PZP: variants seen among roughly 807,000 people sequenced by gnomAD.
The protein encoded by PZP is pregnancy zone protein.
Under a neutral mutation model 179.8 loss-of-function variants are expected in PZP, and 150 were observed. The observed-to-expected ratio is 0.83, with a 90% confidence interval of 0.73 to 0.96. The LOEUF is 0.96. Ranked by LOEUF, PZP falls within the 40% of genes least tolerant of loss-of-function variation. PZP has a pLI of 0.00. For missense variants in PZP, 1,689 were observed against 1,764.0 expected (o/e 0.96, Z 0.76); for synonymous variants, 624 against 652.3 (o/e 0.96, Z 0.66).
Position 9,194,175 on chromosome 12 carries a change from C to T in PZP, c.1156G>A (p.Asp386Asn). 1 of 1,613,974 alleles carries T rather than the reference C, an allele frequency of 6.2e-7. No homozygotes were observed. The highest frequency in any genetic ancestry group is 1.3e-5 in the African/African-American group (1 of 75,026). The stretch of plus-strand genomic sequence containing the variant: ...GTTGCATTGGAGTAATAATTGGCGT[C>T]ATTCACAGAGATGAAGAAGAGTTTA... ...PNKLFFISVN[D>N]ANYYSNATTN... Residue 386 changes from aspartate (D) to asparagine (N), a missense_variant, in exon 11 of 36, where the codon GAC becomes AAC. Coordinates refer to ENST00000261336, the MANE Select transcript of PZP (RefSeq NM_002864.3).
rs984085862 is a variant in PZP, at chr12:9,152,840, T to G, written c.4105A>C (p.Ile1369Leu). Residue 1369 changes from isoleucine (I) to leucine (L), a missense_variant, in exon 31 of 36, where the codon ATC (isoleucine) becomes CTC (leucine). By Grantham distance (5) the Ile-to-Leu change is conservative. Transcript: ENST00000261336. ...ACGTCTTACCTGATGGTCAGTGAGA[T>G]CTGAAAGCTGGTGTGGGCTTTGTGT... is the stretch of plus-strand genomic sequence containing the variant. ...DGHKAHTSFQ[I>L]SLTISYTGNR... 1.2e-6 allele frequency: 2 copies of G among 1,614,136 alleles called. No homozygotes were observed. Among genetic ancestry groups the G allele is most frequent in the Non-Finnish European group, 1.7e-6 (2 of 1,179,982 alleles).
chr12:9,168,762 T>C, intron 17 of PZP, 107 bp downstream of exon 17: 1 of 811,370 alleles, frequency 1.2e-6, no homozygotes, highest in Non-Finnish European at 2.0e-6. Flanking sequence ...TCTTGGTTTC[T>C]TTGTGTGTAT....
chr12:9,163,114 A>G (rs1941331153), intron 21 of PZP, among the ~76,000 whole-genome samples: 1 of 152,104 alleles, frequency 6.6e-6, no homozygotes, highest in Non-Finnish European at 1.5e-5. Flanking sequence ...AGAGATAATA[A>G]GGGCAGTAAA....
In PZP at chr12:9,157,903, T is replaced by G. The variant is rs927976907; in HGVS notation, c.3295-62A>C. The stretch of plus-strand genomic sequence containing the variant: ...CAAGTGTTAGTATATTCTCTTCTGT[T>G]GTTTGATGGAAACGCTCCTCAGTAT... On this transcript the variant is annotated intron_variant, in intron 26 of 35. Coordinates refer to ENST00000261336, the MANE Select transcript of PZP (RefSeq NM_002864.3). 6.6e-6 allele frequency: 9 copies of G among 1,367,612 alleles called. No individual in the cohort carries two copies. The African/African-American group carries it at 1.1e-4, about 17-fold the overall frequency. The allele number at this position is 1,367,612 out of a possible 1,614,324, so 84.7% of individuals were successfully genotyped here. A position where few individuals can be genotyped will look rare whatever the true frequency, so the allele number is the denominator to read the frequency against.
chr12:9,150,661 T>C lies in PZP; in HGVS notation c.4367A>G (p.Tyr1456Cys), dbSNP rs143713280. 14 of 1,606,956 alleles carry C rather than the reference T, an allele frequency of 8.7e-6. No homozygotes were observed. The East Asian group carries it at 1.6e-4, about 18-fold the overall frequency. Residue 1456 changes from tyrosine (Y) to cysteine (C), a missense_variant, in exon 34 of 36, where the codon TAT (tyrosine) becomes TGT (cysteine). By Grantham distance (194) the Tyr-to-Cys change is radical (BLOSUM62 -2). Around this residue, in one of 3 missense-constraint regions of PZP, gnomAD observed 746 missense variants for 749.2 expected, o/e 1.00. Transcript: ENST00000261336. Reference protein sequence around the residue: ...GDLKPAIVKVYDYYETDESVV... With the variant: ...GDLKPAIVKVCDYYETDESVV... ...TCACTCACCTGTCTCATAGTAATCATAGACTTTAACAATTGCTGGCTTCAA... is the reference window on the plus strand; with the variant it reads ...TCACTCACCTGTCTCATAGTAATCACAGACTTTAACAATTGCTGGCTTCAA...
In PZP at chr12:9,182,128, G is replaced by GAC; in HGVS notation, c.1547-12_1547-11insGT. The GAC allele has an allele frequency of 1.2e-6, 1 of 807,138 alleles. No homozygotes were observed. Among genetic ancestry groups the GAC allele is most frequent in the Non-Finnish European group, 1.6e-6 (1 of 617,246 alleles). The allele number at this position is 807,138 out of a possible 1,614,324, so 50.0% of individuals were successfully genotyped here. A position where few individuals can be genotyped will look rare whatever the true frequency, so the allele number is the denominator to read the frequency against. On this transcript the variant is annotated splice_polypyrimidine_tract_variant and intron_variant, in intron 13 of 35. Transcript: ENST00000261336. ...CAAAACTGCCTTTCACTGGAACATG[G>GAC]AGAGAGTGAGACAAAATGGTCATAA...
chr12:9,200,514 A>T, intron 6 of PZP, 66 bp from the exon 7 acceptor site: 2 of 1,268,804 alleles, frequency 1.6e-6, no homozygotes, highest in Admixed American at 1.9e-5. Flanking sequence ...AAATAATTTC[A>T]GTATGTCTAT....
chr12:9,181,002 G>A lies in PZP; in HGVS notation c.1820C>T (p.Ala607Val), dbSNP rs765795584. 31 of 1,613,758 alleles carry A rather than the reference G, an allele frequency of 1.9e-5. No individual in the cohort carries two copies. The highest frequency in any genetic ancestry group is 1.6e-4 in the Middle Eastern group (1 of 6,076). The change falls in exon 15 of 36, where the codon GCT becomes GTT. Residue 607 changes from alanine (A) to valine (V), a missense_variant. By Grantham distance (64) the Ala-to-Val change is moderately conservative. This residue lies in a region of PZP where 742 missense variants were observed against 730.5 expected (regional missense o/e 1.02). Transcript: ENST00000261336. ...DQSVLLMKPE[A>V]ELSVSSVYNL... ...ACTCACTGAGGACACAGAGAGCTCA[G>A]CCTCAGGCTTCATGAGCAGCACACT...
At chr12:9,147,217 T>C (rs1244007071), downstream of PZP, among the ~76,000 whole-genome samples, 1 of 152,216 alleles carries the variant, frequency 6.6e-6, no homozygotes, top group Non-Finnish European at 1.5e-5. Context: ...GAGAAGGATC[T>C]ATAGTGCCTA....
intron 24 of PZP, 44 bp downstream of exon 24, chr12:9,160,270 G>T: frequency 6.5e-7 from 1 of 1,536,802 alleles, no homozygotes; most frequent in Non-Finnish European, 8.8e-7. Context: ...ATTGGGAAAA[G>T]TTTCATTAGA....
At position 9,194,665 on chromosome 12, in the gene PZP, C is replaced by T. The variant is rs778877870; in HGVS notation, c.1093-427G>A. ...ATTTTTAGTAGAGACGGGGTTTCAC[C>T]ATGTTAGCCAGGATGGTCTCGATCG... On this transcript the variant is annotated intron_variant, in intron 10 of 35. Coordinates refer to ENST00000261336, the MANE Select transcript of PZP (RefSeq NM_002864.3). Among the ~76,000 whole-genome samples, 5 of 152,128 alleles carry T rather than the reference C, an allele frequency of 3.3e-5. No individual in the cohort carries two copies. The South Asian group carries it at 6.2e-4, about 19-fold the overall frequency.
At position 9,161,162 on chromosome 12, in the gene PZP, C is replaced by T. The variant is rs371190508; in HGVS notation, c.2789-46G>A. 5 of 1,429,924 alleles carry T rather than the reference C, an allele frequency of 3.5e-6. No homozygotes were observed. The African/African-American group carries it at 4.3e-5, about 12-fold the overall frequency. The allele number at this position is 1,429,924 out of a possible 1,614,324, so 88.6% of individuals were successfully genotyped here. On this transcript the variant is annotated intron_variant, in intron 22 of 35. Transcript: ENST00000261336. The stretch of plus-strand genomic sequence containing the variant: ...TGTTAAAGGAGGACATCTATGATTA[C>T]AATATAATTTAGTGATTATAATGTA...
intron 31 of PZP, 48 bp downstream of exon 31, chr12:9,152,776 C>T (rs2120530265): frequency 6.3e-7 from 1 of 1,575,748 alleles, no homozygotes; most frequent in Non-Finnish European, 8.6e-7. Context: ...CTGTTAATTC[C>T]AAGTTGCTTT....
chr12:9,201,968 A>G (rs1382728605), intron 4 of PZP, among the ~76,000 whole-genome samples: 1 of 152,196 alleles, frequency 6.6e-6, no homozygotes, highest in African/African-American at 2.4e-5. Flanking sequence ...ATACCTATAT[A>G]TTCATAAAAG....
chr12:9,169,671 A>G, intron 15 of PZP, 80 bp from the exon 16 acceptor site: 1 of 1,301,876 alleles, frequency 7.7e-7, no homozygotes, highest in Non-Finnish European at 1.0e-6. Context: ...AAATAAAATA[A>G]TTATCACCAA....
intron 2 of PZP, 33 bp from the exon 3 acceptor site, chr12:9,202,717 A>G (rs372708368): frequency 6.3e-7 from 1 of 1,597,974 alleles, no homozygotes; most frequent in Non-Finnish European, 8.6e-7. Flanking sequence ...CTACTGAGGA[A>G]CTGTGCAGTC....
intron 1 of PZP, among the ~76,000 whole-genome samples, chr12:9,207,283 C>T (rs894284787): frequency 6.6e-6 from 1 of 152,106 alleles, no homozygotes; most frequent in Admixed American, 6.5e-5. Flanking sequence ...TGTGGGTATG[C>T]AAGAGAGAGG....
At chr12:9,189,447 G>T (rs7136652) in intron 13 of PZP, among the ~76,000 whole-genome samples, 43,128 of 152,092 alleles carry the variant, frequency 0.28, 6,269 homozygotes, top group East Asian at 0.4. Context: ...ATAGGCAGAA[G>T]ATTGAAACTG....
rs764207397 is a variant in PZP at position 9,169,053 on chromosome 12, A to G, written c.2002-79T>C. ...ACATATTATCCTTAGAGACTTCTCT[A>G]TGTAATTCCAGTATCCTTATATTAA... On this transcript the variant is annotated intron_variant, in intron 16 of 35. Transcript: ENST00000261336. The G allele has an allele frequency of 4.5e-5, 46 of 1,023,496 alleles. 1 individual carries two copies. In the South Asian group the frequency reaches 6.4e-4, roughly 14 times the overall value. The allele number at this position is 1,023,496 out of a possible 1,614,324, so 63.4% of individuals were successfully genotyped here.
Sources: gnomAD v4.1 joint callset for allele counts (sites outside exome capture counted in the v4.1 genomes callset) on GRCh38, gnomAD v4.1.1 for gene constraint, gnomAD v4.1.1 regional missense constraint, MANE v1.5 for transcripts, NCBI Gene and HGNC (gene_info 2026-07-23, HGNC 2026-07-21) for gene names.